Variants in SRGAP2 observed in about 807,000 individuals in gnomAD.
SRGAP2 encodes the protein SLIT-ROBO Rho GTPase-activating protein 2.
Under a neutral mutation model 57.2 loss-of-function variants are expected in SRGAP2, and 15 were observed. That is an observed-to-expected ratio of 0.26 (90% CI 0.18 to 0.40). The LOEUF is 0.40. SRGAP2 is among the 10% of genes least tolerant of loss of function. SRGAP2 has a pLI of 1.00. For missense variants in SRGAP2, 520 were observed against 669.6 expected, an observed-to-expected ratio of 0.78 and a Z score of 2.47; for synonymous variants, 249 against 248.0, an observed-to-expected ratio of 1.00 and a Z score of -0.04.
At chr1:206,443,615 G>A (rs182977317) in intron 17 of SRGAP2, among the ~76,000 whole-genome samples, 21 of 152,166 alleles carry the variant, frequency 1.4e-4, no homozygotes, top group African/African-American at 5.1e-4. Context: ...GACCTCAGGT[G>A]ATCCACCCAC....
At chr1:206,378,826 A>G (rs6659700) in intron 4 of SRGAP2, among the ~76,000 whole-genome samples, 1,604 of 152,320 alleles carry the variant, frequency 0.011, 37 homozygotes, top group African/African-American at 0.037. Context: ...TCATTCTTGA[A>G]GTCAGTGAGA....
rs536194741 is a variant in SRGAP2 at position 206,361,450 on chromosome 1, C to T, written c.423+18442C>T. Among the ~76,000 whole-genome samples, 4 of 152,316 alleles carry T rather than the reference C, an allele frequency of 2.6e-5. No homozygotes were observed. In the South Asian group the frequency reaches 8.3e-4, roughly 32 times the overall value. On this transcript the variant is annotated intron_variant, in intron 4 of 22. Coordinates refer to ENST00000573034, the MANE Select transcript of SRGAP2 (RefSeq NM_015326.5). ...AACTGAACAAGAAGCATACTTCTTGCCCACTTTGCCTCCTGGAGATCCTGT... is the reference window on the plus strand; with the variant it reads ...AACTGAACAAGAAGCATACTTCTTGTCCACTTTGCCTCCTGGAGATCCTGT...
chr1:206,252,345 C>T (rs1571681986), intron 2 of SRGAP2, among the ~76,000 whole-genome samples: 3 of 152,148 alleles, frequency 2.0e-5, no homozygotes, highest in Admixed American at 6.6e-5. Flanking sequence ...ATTAGCGCAG[C>T]TTTAGAAATA....
At chr1:206,360,782 T>A (rs1353509516) in intron 4 of SRGAP2, among the ~76,000 whole-genome samples, 1 of 149,886 alleles carries the variant, frequency 6.7e-6, no homozygotes, top group Non-Finnish European at 1.5e-5. Context: ...TCATGAAGAA[T>A]CTGAGAGCCA....
At chr1:206,350,619 A>G (rs2102952035) in intron 4 of SRGAP2, among the ~76,000 whole-genome samples, 1 of 143,694 alleles carries the variant, frequency 7.0e-6, no homozygotes. Flanking sequence ...GGGAAACTGC[A>G]GAGCACAGAG....
At chr1:206,234,545 G>A (rs1249112698) in intron 2 of SRGAP2, among the ~76,000 whole-genome samples, 1 of 152,164 alleles carries the variant, frequency 6.6e-6, no homozygotes, top group African/African-American at 2.4e-5. Context: ...TGAACTATGG[G>A]GAGCTTAGAA....
chr1:206,446,145 A>T lies in SRGAP2; in HGVS notation c.1945A>T (p.Met649Leu), dbSNP rs781939266. The T allele has an allele frequency of 1.3e-6, 1 of 780,648 alleles. No individual in the cohort carries two copies. Among genetic ancestry groups the T allele is most frequent in the Non-Finnish European group, 2.4e-6 (1 of 417,838 alleles). The allele number at this position is 780,648 out of a possible 1,614,324, so 48.4% of individuals were successfully genotyped here. A position where few individuals can be genotyped will look rare whatever the true frequency, so the allele number is the denominator to read the frequency against. ...NLAICFGPSL[M>L]SVPEGHDQVS... ...CGCCATCTGCTTCGGGCCCTCGCTA[A>T]TGTCAGTGCCAGAGGGCCACGACCA... The change falls in exon 18 of 23, where the codon ATG becomes TTG. Residue 649 changes from methionine to leucine, a missense_variant. Coordinates refer to ENST00000573034, the MANE Select transcript of SRGAP2 (RefSeq NM_015326.5).
In SRGAP2 at chr1:206,454,698, T is replaced by G. The variant is rs1390524153; in HGVS notation, c.2361-180T>G. The G allele has an allele frequency of 2.6e-5, 15 of 576,994 alleles. No homozygotes were observed. Among genetic ancestry groups the G allele is most frequent in the Non-Finnish European group, 4.3e-5 (14 of 326,996 alleles). The allele number at this position is 576,994 out of a possible 1,614,324, so 35.7% of individuals were successfully genotyped here. ...TTATTTATTTTTATTTAAACGACCC[T>G]TCAAAGGCCCTTAGGTTTCCTTGCC... On this transcript the variant is annotated intron_variant, in intron 20 of 22. Transcript: ENST00000573034. This position sits in a 1 kb window ranked among gnomAD's most constrained non-coding sequence, Gnocchi z 4.3.
intron 4 of SRGAP2, among the ~76,000 whole-genome samples, chr1:206,360,158 C>T (rs1360564120): frequency 6.6e-6 from 1 of 151,470 alleles, no homozygotes; most frequent in Non-Finnish European, 1.5e-5. Flanking sequence ...GATAAATTGG[C>T]ATTGGAACTG....
At position 206,462,162 on chromosome 1, in the gene SRGAP2, T is replaced by A. The variant is rs1254668959; in HGVS notation, c.*742T>A. ...GTTGGGGGCTTTCTCTCTGTGTTCTTTCCATTGATGTGAATTGGTCATTGG... is the reference window on the plus strand; with the variant it reads ...GTTGGGGGCTTTCTCTCTGTGTTCTATCCATTGATGTGAATTGGTCATTGG... On this transcript the variant is annotated 3_prime_UTR_variant, in exon 23 of 23. Coordinates refer to ENST00000573034, the MANE Select transcript of SRGAP2 (RefSeq NM_015326.5). The A allele has an allele frequency of 2.0e-5, 3 of 152,582 alleles. No individual in the cohort carries two copies. Among genetic ancestry groups the A allele is most frequent in the African/African-American group, 7.2e-5 (3 of 41,460 alleles). The allele number at this position is 152,582 out of a possible 1,614,324, so 9.5% of individuals were successfully genotyped here.
chr1:206,434,553 C>T (rs899071024), intron 14 of SRGAP2, among the ~76,000 whole-genome samples: 2 of 152,148 alleles, frequency 1.3e-5, no homozygotes, highest in East Asian at 1.9e-4. Flanking sequence ...TGTAAGGATT[C>T]GCCTGCATTA....
At chr1:206,292,627 C>G (rs1445675600) in intron 2 of SRGAP2, among the ~76,000 whole-genome samples, 1 of 148,044 alleles carries the variant, frequency 6.8e-6, no homozygotes, top group East Asian at 1.9e-4. Flanking sequence ...TTTTGTACAT[C>G]TCTCTTCATT....
chr1:206,404,783 G>A (rs1165233632), intron 8 of SRGAP2, among the ~76,000 whole-genome samples: 2 of 152,130 alleles, frequency 1.3e-5, no homozygotes, highest in African/African-American at 4.8e-5. Flanking sequence ...TCTCATGCAT[G>A]GCCTGGATTT....
chr1:206,383,225 A>G (rs1460109194), intron 4 of SRGAP2, among the ~76,000 whole-genome samples: 3 of 149,182 alleles, frequency 2.0e-5, no homozygotes, highest in African/African-American at 7.7e-5. Flanking sequence ...GGGTTTCACT[A>G]TGTTGGCCAT....
At chr1:206,327,392 G>GT (rs1674013512) in intron 3 of SRGAP2, among the ~76,000 whole-genome samples, 2 of 149,768 alleles carry the variant, frequency 1.3e-5, no homozygotes, top group African/African-American at 4.9e-5. Flanking sequence ...TATGAAACAA[G>GT]TTTATTATAA....
At chr1:206,363,459 G>T (rs1331334296) in intron 4 of SRGAP2, among the ~76,000 whole-genome samples, 1 of 152,170 alleles carries the variant, frequency 6.6e-6, no homozygotes, top group African/African-American at 2.4e-5. Context: ...ACAGTACAAT[G>T]ATCAAAATCA....
At chr1:206,333,224 A>G (rs1227864810) in intron 3 of SRGAP2, 31 of 651,730 alleles carry the variant, frequency 4.8e-5, no homozygotes, top group South Asian at 9.6e-5. Flanking sequence ...CTCAGATGGA[A>G]ATGCAGAAAT....
intron 11 of SRGAP2, among the ~76,000 whole-genome samples, chr1:206,418,068 T>G (rs190279540): frequency 6.6e-6 from 1 of 151,556 alleles, no homozygotes; most frequent in Admixed American, 6.6e-5. Context: ...TGCTGCAAAT[T>G]GTCTTAATCT....
chr1:206,332,438 A>G (rs1392631096), intron 3 of SRGAP2, among the ~76,000 whole-genome samples: 1 of 150,948 alleles, frequency 6.6e-6, no homozygotes, highest in Non-Finnish European at 1.5e-5. Flanking sequence ...CCTCACTTTC[A>G]GGTACACCAA....
Sources: allele counts gnomAD v4.1 joint callset (sites outside exome capture counted in the v4.1 genomes callset), GRCh38; gene constraint gnomAD v4.1.1; non-coding constraint Gnocchi (gnomAD v3.1); transcripts MANE v1.5; gene names NCBI Gene and HGNC (gene_info 2026-07-23, HGNC 2026-07-21).